TTC7A: variants seen among roughly 807,000 people sequenced by gnomAD.
TTC7A encodes tetratricopeptide repeat domain 7A.
In TTC7A, 110 loss-of-function variants were observed where a neutral mutation model predicts 103.7. The observed-to-expected ratio is 1.06, with a 90% CI of 0.91 to 1.24. The LOEUF (loss-of-function observed/expected upper bound fraction) is 1.24, where lower values mean the gene tolerates loss of function less well. Ranked by LOEUF, TTC7A falls within the 50% of genes most tolerant of loss-of-function variation. The probability of loss-of-function intolerance (pLI) is 0.00; values close to 1 mark genes in which losing one functional copy is unlikely to be tolerated. For missense variants in TTC7A, 1,340 were observed against 1,116.3 expected, an observed-to-expected ratio of 1.20 and a Z score of -2.86; for synonymous variants, 521 against 467.9, an observed-to-expected ratio of 1.11 and a Z score of -1.47.
At position 46,941,951 on chromosome 2, in the gene TTC7A, C is replaced by T. The variant is rs1670449585; in HGVS notation, c.184+226C>T. ...AGAGAAACGGCTTTTGCTCTGTGTCCTTTAGGATAATGTGGCTAACTCTGT... is the reference window on the plus strand; with the variant it reads ...AGAGAAACGGCTTTTGCTCTGTGTCTTTTAGGATAATGTGGCTAACTCTGT... On this transcript the variant is annotated intron_variant, in intron 1 of 19. Transcript: ENST00000319190. This position sits in a 1 kb window ranked among gnomAD's most constrained non-coding sequence, Gnocchi z 4.2. The T allele has an allele frequency of 1.6e-6, 1 of 607,326 alleles. No individual in the cohort carries two copies. The highest frequency in any genetic ancestry group is 3.0e-5 in the Admixed American group (1 of 33,698). The allele number at this position is 607,326 out of a possible 1,614,324, so 37.6% of individuals were successfully genotyped here. A position where few individuals can be genotyped will look rare whatever the true frequency, so the allele number is the denominator to read the frequency against.
intron 15 of TTC7A, among the ~76,000 whole-genome samples, chr2:47,039,124 G>C (rs1681467565): frequency 6.6e-6 from 1 of 152,088 alleles, no homozygotes; most frequent in Non-Finnish European, 1.5e-5. Context: ...AAATGAATAG[G>C]CACCATCAGA....
intron 2 of TTC7A, among the ~76,000 whole-genome samples, chr2:46,920,407 G>T (rs1414256284): frequency 6.6e-6 from 1 of 151,918 alleles, no homozygotes; most frequent in African/African-American, 2.4e-5. Flanking sequence ...TTAGCTCACT[G>T]CAATCTTTGC....
chr2:46,920,940 A>G (rs1669072077), intron 2 of TTC7A, among the ~76,000 whole-genome samples: 1 of 151,958 alleles, frequency 6.6e-6, no homozygotes, highest in African/African-American at 2.4e-5. Context: ...AATTTTAAAA[A>G]GGCATCTGAC....
intron 2 of TTC7A, among the ~76,000 whole-genome samples, chr2:46,927,035 C>G (rs958277672): frequency 2.7e-5 from 4 of 150,434 alleles, no homozygotes; most frequent in Non-Finnish European, 5.9e-5. Context: ...GGAAAATATG[C>G]CAGAGGAAAC....
At chr2:46,936,255 G>C (rs116836909), upstream of TTC7A, among the ~76,000 whole-genome samples, 1,409 of 152,146 alleles carry the variant, frequency 9.3e-3, 11 homozygotes, top group Admixed American at 0.016. Flanking sequence ...GCTACTACTT[G>C]TCTGTGTTCA....
chr2:47,030,771 A>T lies in TTC7A; in HGVS notation c.1802+1387A>T, dbSNP rs1224494028. ...ACTGCTCACAGCCAGGTGTAAGCAG[A>T]GTGTGTGGCCAACTTGACACAGCCT... On this transcript the variant is annotated intron_variant, in intron 15 of 19. Transcript: ENST00000319190. Among the ~76,000 whole-genome samples, 6 of 152,254 alleles carry T rather than the reference A, an allele frequency of 3.9e-5. 1 individual carries two copies. Among genetic ancestry groups the T allele is most frequent in the Admixed American group, 6.5e-5 (1 of 15,284 alleles).
intron 18 of TTC7A, among the ~76,000 whole-genome samples, chr2:47,059,227 T>C (rs1445508843): frequency 6.6e-6 from 1 of 151,822 alleles, no homozygotes; most frequent in Non-Finnish European, 1.5e-5. Context: ...TTCACCATCC[T>C]GGCCAGGCTG....
rs1671335280 is a variant in TTC7A, at chr2:46,950,706, C to G, written c.348+180C>G. Among the ~76,000 whole-genome samples, 3 of 152,062 alleles carry G rather than the reference C, an allele frequency of 2.0e-5. 1 individual carries two copies. In the South Asian group the frequency reaches 6.2e-4, roughly 32 times the overall value. On this transcript the variant is annotated intron_variant, in intron 2 of 19. Transcript: ENST00000319190. ...CTTGAGCACTTGGAGTATGGCTAGT[C>G]CACATTGAGATGTGCTGTAAGTATA... is the stretch of plus-strand genomic sequence containing the variant.
chr2:47,010,798 C>A (rs970905027), intron 10 of TTC7A, among the ~76,000 whole-genome samples: 4 of 152,196 alleles, frequency 2.6e-5, no homozygotes, highest in Non-Finnish European at 5.9e-5. Flanking sequence ...CTCTTGGGTT[C>A]AAGCGATTCT....
At chr2:46,983,957 A>G (rs917551291) in intron 5 of TTC7A, among the ~76,000 whole-genome samples, 1 of 152,184 alleles carries the variant, frequency 6.6e-6, no homozygotes, top group Non-Finnish European at 1.5e-5. Context: ...TCTAATTTCA[A>G]TACTCTGTCT....
chr2:47,009,623 C>T (rs914182571), intron 10 of TTC7A, among the ~76,000 whole-genome samples: 6 of 152,120 alleles, frequency 3.9e-5, no homozygotes, highest in African/African-American at 1.4e-4. Context: ...TGTGCACCTG[C>T]CAGTTGCTCA....
chr2:47,065,988 C>G (rs1465922338), intron 19 of TTC7A: 5 of 152,152 alleles, frequency 3.3e-5, no homozygotes, highest in Non-Finnish European at 7.3e-5. Flanking sequence ...TGAGGGAGCT[C>G]CAGGCTCTCC....
chr2:47,030,252 G>A (rs906390271), intron 15 of TTC7A, among the ~76,000 whole-genome samples: 4 of 152,230 alleles, frequency 2.6e-5, no homozygotes, highest in African/African-American at 9.6e-5. Flanking sequence ...CCTGATAGGT[G>A]ACTCACGCTG....
chr2:47,025,452 C>T (rs975924745), intron 14 of TTC7A, among the ~76,000 whole-genome samples: 8 of 152,162 alleles, frequency 5.3e-5, no homozygotes, highest in African/African-American at 1.7e-4. Flanking sequence ...ATGGTCACTT[C>T]GGCGGGCTGC....
intron 15 of TTC7A, among the ~76,000 whole-genome samples, chr2:47,039,225 C>G (rs1283835463): frequency 1.3e-5 from 2 of 152,218 alleles, no homozygotes; most frequent in Non-Finnish European, 2.9e-5. Context: ...AAGTGGCTCC[C>G]TTATGTACAT....
chr2:47,026,395 A>G (rs1312523883), intron 14 of TTC7A, among the ~76,000 whole-genome samples: 1 of 152,174 alleles, frequency 6.6e-6, no homozygotes, highest in Non-Finnish European at 1.5e-5. Flanking sequence ...CCACAAAGTA[A>G]GGTGCCCGGG....
At chr2:47,053,363 C>T (rs938519142) in intron 18 of TTC7A, among the ~76,000 whole-genome samples, 1 of 152,176 alleles carries the variant, frequency 6.6e-6, no homozygotes, top group African/African-American at 2.4e-5. Flanking sequence ...CGCATGGAGC[C>T]CCAGCCCCCA....
At chr2:46,953,070 A>G (rs943374965) in intron 2 of TTC7A, among the ~76,000 whole-genome samples, 4 of 152,250 alleles carry the variant, frequency 2.6e-5, no homozygotes, top group African/African-American at 9.6e-5. Flanking sequence ...ATATATAGGC[A>G]CCAATAATGT....
Position 46,941,637 on chromosome 2 carries a change from G to T in TTC7A, c.96G>T (p.Leu32=), listed in dbSNP as rs1429403320. The T allele has an allele frequency of 1.3e-6, 2 of 1,553,920 alleles. No individual in the cohort carries two copies. Among genetic ancestry groups the T allele is most frequent in the Non-Finnish European group, 1.7e-6 (2 of 1,149,164 alleles). Residue 32 remains leucine (L), a synonymous_variant, in exon 1 of 20, where the codon CTG becomes CTT. Coordinates refer to ENST00000319190, the MANE Select transcript of TTC7A (RefSeq NM_020458.4). This position sits in a 1 kb window ranked among gnomAD's most constrained non-coding sequence, Gnocchi z 4.2. ...AEGHWDRMPE[L]VRQLQTLSMP... is the part of the protein sequence containing the mutation. Reference sequence around the variant, plus strand: ...GCCACTGGGACCGCATGCCGGAGCTGGTCCGGCAGCTGCAGACGCTGAGCA... The same window carrying T: ...GCCACTGGGACCGCATGCCGGAGCTTGTCCGGCAGCTGCAGACGCTGAGCA...
Sources: allele counts gnomAD v4.1 joint callset (sites outside exome capture counted in the v4.1 genomes callset), GRCh38; gene constraint gnomAD v4.1.1; non-coding constraint Gnocchi (gnomAD v3.1); transcripts MANE v1.5; gene names NCBI Gene and HGNC (gene_info 2026-07-23, HGNC 2026-07-21).